Variants in DHRSX observed in about 807,000 individuals in gnomAD.
DHRSX encodes polyprenol dehydrogenase.
In DHRSX, 31 loss-of-function variants were observed where a neutral mutation model predicts 34.0. The observed-to-expected ratio is 0.91, with a 90% CI of 0.69 to 1.23. DHRSX has a LOEUF of 1.23. Among genes scored for constraint, DHRSX ranks in the 50% most tolerant of loss-of-function variants. DHRSX has a pLI of 0.00. For synonymous variants in DHRSX, 201 were observed against 183.8 expected, an observed-to-expected ratio of 1.09 and a Z score of -0.76; for missense variants, 414 against 428.1, an observed-to-expected ratio of 0.97 and a Z score of 0.29.
intron 1 of DHRSX, among the ~76,000 whole-genome samples, chrX:2,455,518 G>A (rs997331084): frequency 1.4e-4 from 21 of 151,972 alleles, no homozygotes; most frequent in Non-Finnish European, 2.6e-4. Context: ...AAGGCGGGTG[G>A]ATCACTTGAG....
intron 3 of DHRSX, among the ~76,000 whole-genome samples, chrX:2,379,606 T>TTG (rs1318074075): frequency 1.3e-5 from 2 of 148,660 alleles, no homozygotes; most frequent in Admixed American, 6.7e-5. Flanking sequence ...TTTTTTTTTT[T>TTG]TTTTTTTTTT....
intron 1 of DHRSX, among the ~76,000 whole-genome samples, chrX:2,459,631 C>G (rs978569654): frequency 6.8e-6 from 1 of 147,872 alleles, no homozygotes; most frequent in Non-Finnish European, 1.5e-5. Context: ...TTTTTGTTAA[C>G]GAACAATAAA....
chrX:2,299,854 C>CA (rs36070145), intron 3 of DHRSX, among the ~76,000 whole-genome samples: 7,181 of 146,128 alleles, frequency 0.049, 229 homozygotes, highest in Admixed American at 0.089. Context: ...GACTATGTCT[C>CA]AAAAAAAAAA....
intron 1 of DHRSX, among the ~76,000 whole-genome samples, chrX:2,452,571 C>T (rs1262853057): frequency 6.6e-6 from 1 of 151,472 alleles, no homozygotes; most frequent in East Asian, 1.9e-4. Flanking sequence ...CATGTACACA[C>T]TGAAGATGTT....
chrX:2,359,129 G>T (rs979034608), intron 3 of DHRSX, among the ~76,000 whole-genome samples: 3 of 152,130 alleles, frequency 2.0e-5, no homozygotes, highest in Non-Finnish European at 4.4e-5. Flanking sequence ...CAGACAAAAA[G>T]GAACACCTAA....
intron 3 of DHRSX, among the ~76,000 whole-genome samples, chrX:2,367,454 GAA>G (rs763133691): frequency 8.1e-6 from 1 of 123,020 alleles, no homozygotes; most frequent in African/African-American, 3.0e-5. Flanking sequence ...AAAGAAAAAA[GAA>G]AAAAAAAAAA....
intron 3 of DHRSX, among the ~76,000 whole-genome samples, chrX:2,335,838 C>T (rs1490801489): frequency 3.3e-5 from 5 of 151,906 alleles, no homozygotes; most frequent in African/African-American, 1.2e-4. Flanking sequence ...GATTTGGGGA[C>T]CCCAAGATTT....
chrX:2,231,426 CCTTTTT>C (rs773888804), intron 6 of DHRSX, among the ~76,000 whole-genome samples: 261 of 152,006 alleles, frequency 1.7e-3, no homozygotes, highest in Non-Finnish European at 3.3e-3. Context: ...GCTTCCTCTT[CCTTTTT>C]CTCTTTTTCT....
chrX:2,247,744 G>A (rs1398144462), intron 5 of DHRSX, among the ~76,000 whole-genome samples: 1 of 151,240 alleles, frequency 6.6e-6, no homozygotes, highest in Non-Finnish European at 1.5e-5. Context: ...AATAATGCAT[G>A]CCTATGCTGG....
At position 2,303,140 on chromosome X, in the gene DHRSX, T is replaced by A. The variant is rs192868645; in HGVS notation, c.287-11537A>T. Among the ~76,000 whole-genome samples the A allele has an allele frequency of 2.6e-4, 39 of 152,210 alleles. 1 individual carries two copies. The highest frequency in any genetic ancestry group is 8.3e-4 in the South Asian group (4 of 4,816). On this transcript the variant is annotated intron_variant, in intron 3 of 6. Coordinates refer to ENST00000334651, the MANE Select transcript of DHRSX (RefSeq NM_145177.3). ...AACAGCAGTGTGAATGGATTTTTTT[T>A]AAAAAAACTAGAAGATGCATTTTTC... is the stretch of plus-strand genomic sequence containing the variant.
chrX:2,319,821 G>A (rs1158555481), intron 3 of DHRSX, among the ~76,000 whole-genome samples: 3 of 151,782 alleles, frequency 2.0e-5, no homozygotes, highest in African/African-American at 7.3e-5. Flanking sequence ...TTGTTCAAGG[G>A]TCAGCTGTAT....
intron 2 of DHRSX, among the ~76,000 whole-genome samples, chrX:2,417,695 C>T (rs2043714646): frequency 6.6e-6 from 1 of 152,146 alleles, no homozygotes; most frequent in Admixed American, 6.5e-5. Context: ...CCAAACCACA[C>T]ATCACCATGA....
At chrX:2,314,234 G>A (rs1424786359) in intron 3 of DHRSX, among the ~76,000 whole-genome samples, 3 of 23,840 alleles carry the variant, frequency 1.3e-4, no homozygotes, top group Non-Finnish European at 9.7e-5. Flanking sequence ...AGGAAGGGAG[G>A]GAGGGAAGGA....
chrX:2,345,382 C>G (rs1482936425), intron 3 of DHRSX, among the ~76,000 whole-genome samples: 2 of 146,774 alleles, frequency 1.4e-5, no homozygotes, highest in Non-Finnish European at 2.9e-5. Context: ...GTGGCTCACA[C>G]CTATAATCCC....
intron 6 of DHRSX, among the ~76,000 whole-genome samples, chrX:2,235,769 G>T (rs368585867): frequency 1.4e-5 from 2 of 138,672 alleles, no homozygotes; most frequent in African/African-American, 5.3e-5. Flanking sequence ...AACAAAAAAA[G>T]AAATCCGCAC....
chrX:2,378,063 T>C (rs1236848621), intron 3 of DHRSX, among the ~76,000 whole-genome samples: 1 of 152,230 alleles, frequency 6.6e-6, no homozygotes, highest in African/African-American at 2.4e-5. Context: ...TTCAACTTAC[T>C]GAACGCTTAT....
chrX:2,251,954 T>C (rs976353597), intron 5 of DHRSX, among the ~76,000 whole-genome samples: 5 of 152,052 alleles, frequency 3.3e-5, no homozygotes, highest in African/African-American at 1.2e-4. Flanking sequence ...ATTGGAAGAA[T>C]TGGCTGGGTA....
chrX:2,241,601 G>C (rs567605041), intron 6 of DHRSX, among the ~76,000 whole-genome samples: 1 of 152,076 alleles, frequency 6.6e-6, no homozygotes, highest in South Asian at 2.1e-4. Flanking sequence ...TGTCCCTGCA[G>C]AGACTCGTCA....
At chrX:2,451,885 C>G (rs1265191062) in intron 1 of DHRSX, among the ~76,000 whole-genome samples, 1 of 151,788 alleles carries the variant, frequency 6.6e-6, no homozygotes, top group Non-Finnish European at 1.5e-5. Context: ...AAGAATGCAA[C>G]TAAAAGACAA....
Sources: allele counts gnomAD v4.1 joint callset (sites outside exome capture counted in the v4.1 genomes callset), GRCh38; gene constraint gnomAD v4.1.1; transcripts MANE v1.5; gene names NCBI Gene and HGNC (gene_info 2026-07-23, HGNC 2026-07-21).